The following GPR160 variants were observed in gnomAD, a reference collection of about 807,000 sequenced individuals.
GPR160 encodes probable G protein-coupled receptor 160.
GPR160 carries 2 observed loss-of-function variants against 2.6 expected under a neutral mutation model. The ratio of observed to expected loss-of-function variants is 0.77; its 90% confidence interval spans 0.32 to 2.44. The LOEUF is 2.44. Ranked by LOEUF, GPR160 falls within the 30% of genes most tolerant of loss-of-function variation. GPR160 has a pLI of 0.11. For synonymous variants in GPR160, 130 were observed against 132.2 expected, an observed-to-expected ratio of 0.98 and a Z score of 0.12; for missense variants, 351 against 383.6, an observed-to-expected ratio of 0.91 and a Z score of 0.71.
chr3:170,075,190 T>C lies in GPR160; in HGVS notation c.-192-4584T>C, dbSNP rs558230359. On this transcript the variant is annotated intron_variant, in intron 2 of 3. Coordinates refer to ENST00000355897, the MANE Select transcript of GPR160 (RefSeq NM_014373.3). ...TTACAGTGAGGCGAGTTTGTGCCATTGCACTCCAGCCTGGGCAACAAGAGC... is the reference window on the plus strand; with the variant it reads ...TTACAGTGAGGCGAGTTTGTGCCATCGCACTCCAGCCTGGGCAACAAGAGC... 2.6e-5 allele frequency among the ~76,000 whole-genome samples: 4 copies of C among 152,282 alleles called. No homozygotes were observed. In the South Asian group the frequency reaches 8.3e-4, roughly 32 times the overall value.
Position 170,084,623 on chromosome 3 carries a change from G to A in GPR160, c.651G>A (p.Met217Ile). The change falls in exon 4 of 4, where the codon ATG (methionine) becomes ATA (isoleucine). Residue 217 changes from methionine (M) to isoleucine (I), a missense_variant. By Grantham distance (10) the Met-to-Ile change is conservative (BLOSUM62 1). Coordinates refer to ENST00000355897, the MANE Select transcript of GPR160 (RefSeq NM_014373.3). ...AGGCTATCAGGATAACTTCCTATATGAATGAAACTATCTTATATTTTCCTT... is the reference window on the plus strand; with the variant it reads ...AGGCTATCAGGATAACTTCCTATATAAATGAAACTATCTTATATTTTCCTT... Reference protein sequence around the residue: ...LVQAIRITSYMNETILYFPFS... With the variant: ...LVQAIRITSYINETILYFPFS... The A allele has an allele frequency of 1.2e-6, 2 of 1,611,406 alleles. No individual in the cohort carries two copies. The highest frequency in any genetic ancestry group is 1.1e-5 in the South Asian group (1 of 90,990).
chr3:170,060,054 T>TA lies in GPR160; in HGVS notation c.-192-19712dup, dbSNP rs141994595. Reference sequence around the variant, plus strand: ...CTAGTTTTAAAATACCATATTTTCCTAAAAAAAACAGGGCTCCTTGAAAAA... The same window carrying TA: ...CTAGTTTTAAAATACCATATTTTCCTAAAAAAAAACAGGGCTCCTTGAAAAA... On this transcript the variant is annotated intron_variant, in intron 2 of 3. Transcript: ENST00000355897. 2.9e-3 allele frequency among the ~76,000 whole-genome samples: 437 copies of TA among 151,650 alleles called. 9 individuals carry two copies. The East Asian group carries it at 0.072, about 25-fold the overall frequency.
chr3:170,073,660 T>C (rs1017280142), intron 2 of GPR160, among the ~76,000 whole-genome samples: 1 of 152,198 alleles, frequency 6.6e-6, no homozygotes, highest in African/African-American at 2.4e-5. Context: ...TTGTTAACAA[T>C]TTCTGCTTCC....
At chr3:170,062,018 C>CA (rs202106734) in intron 2 of GPR160, among the ~76,000 whole-genome samples, 1 of 137,874 alleles carries the variant, frequency 7.3e-6, no homozygotes. Context: ...AATTAAATTC[C>CA]AAGTTTTTTT....
At chr3:170,059,354 CTT>C (rs745402962) in intron 2 of GPR160, among the ~76,000 whole-genome samples, 8 of 152,030 alleles carry the variant, frequency 5.3e-5, no homozygotes, top group Non-Finnish European at 1.2e-4. Context: ...ATTCAGATAA[CTT>C]TATAACAGAG....
At chr3:170,083,675 C>G (rs1042929163) in intron 3 of GPR160, among the ~76,000 whole-genome samples, 8 of 152,100 alleles carry the variant, frequency 5.3e-5, no homozygotes, top group African/African-American at 1.4e-4. Flanking sequence ...TTATATATAA[C>G]ATTTTGGTTT....
At chr3:170,078,727 C>T (rs1559992864) in intron 2 of GPR160, among the ~76,000 whole-genome samples, 1 of 152,150 alleles carries the variant, frequency 6.6e-6, no homozygotes, top group Non-Finnish European at 1.5e-5. Flanking sequence ...GACCGCTTTA[C>T]GCAAAGCCAG....
chr3:170,069,026 A>G (rs547941630), intron 2 of GPR160, among the ~76,000 whole-genome samples: 6 of 152,292 alleles, frequency 3.9e-5, no homozygotes, highest in African/African-American at 1.4e-4. Flanking sequence ...TCCAACTGTA[A>G]AAAGGCTGGA....
chr3:170,082,614 G>GAA (rs1478440687), intron 3 of GPR160, among the ~76,000 whole-genome samples: 1 of 151,596 alleles, frequency 6.6e-6, no homozygotes, highest in Non-Finnish European at 1.5e-5. Flanking sequence ...TTCTTTTTTC[G>GAA]AGACAGGGTC....
intron 2 of GPR160, among the ~76,000 whole-genome samples, chr3:170,053,719 T>A (rs1355218907): frequency 6.6e-6 from 1 of 152,172 alleles, no homozygotes; most frequent in Non-Finnish European, 1.5e-5. Context: ...TAATGATAGC[T>A]ATAGATTTTT....
Position 170,084,586 on chromosome 3 carries a change from C to G in GPR160, c.614C>G (p.Thr205Ser), listed in dbSNP as rs1470150214. Reference sequence around the variant, plus strand: ...TTCATAACCTGTTGGGAAGAAGTTACTACTTTGGTACAGGCTATCAGGATA... The same window carrying G: ...TTCATAACCTGTTGGGAAGAAGTTAGTACTTTGGTACAGGCTATCAGGATA... ...VAFITCWEEV[T>S]TLVQAIRITS... Residue 205 changes from threonine (T) to serine (S), a missense_variant, in exon 4 of 4, where the codon ACT becomes AGT. Physicochemically the swap from Thr to Ser is moderately conservative, Grantham distance 58. Transcript: ENST00000355897. 1.2e-6 allele frequency: 2 copies of G among 1,613,200 alleles called. No individual in the cohort carries two copies. Among genetic ancestry groups the G allele is most frequent in the Admixed American group, 3.3e-5 (2 of 59,998 alleles).
At chr3:170,078,351 G>A (rs1712967823) in intron 2 of GPR160, among the ~76,000 whole-genome samples, 2 of 152,128 alleles carry the variant, frequency 1.3e-5, no homozygotes, top group South Asian at 4.2e-4. Context: ...AGGTGCCACA[G>A]AGGAGACAGA....
At chr3:170,056,795 T>C (rs1711666528) in intron 2 of GPR160, among the ~76,000 whole-genome samples, 3 of 152,246 alleles carry the variant, frequency 2.0e-5, no homozygotes, top group South Asian at 4.1e-4. Flanking sequence ...TGATTGGCAC[T>C]GTGCCTATTT....
intron 3 of GPR160, among the ~76,000 whole-genome samples, chr3:170,080,392 C>G (rs1053737748): frequency 6.6e-6 from 1 of 152,176 alleles, no homozygotes; most frequent in Non-Finnish European, 1.5e-5. Flanking sequence ...TTCTTCCTTT[C>G]GCTTTTTATT....
intron 2 of GPR160, among the ~76,000 whole-genome samples, chr3:170,060,996 C>T (rs552138268): frequency 2.2e-4 from 34 of 151,836 alleles, no homozygotes; most frequent in South Asian, 2.1e-3. Context: ...TCAGTATTGC[C>T]GGGCACGGTG....
At chr3:170,066,115 A>ATTCTTTTTCTTT (rs1362456956) in intron 2 of GPR160, among the ~76,000 whole-genome samples, 10 of 99,134 alleles carry the variant, frequency 1.0e-4, no homozygotes, top group African/African-American at 3.3e-4. Context: ...ACTTGACACT[A>ATTCTTTTTCTTT]TTCTTTTTCT....
At chr3:170,065,505 G>A (rs1397154689) in intron 2 of GPR160, among the ~76,000 whole-genome samples, 1 of 152,136 alleles carries the variant, frequency 6.6e-6, no homozygotes, top group African/African-American at 2.4e-5. Context: ...CCCATTTCCT[G>A]GACCGCATGT....
At chr3:170,062,745 C>A in intron 2 of GPR160, 1 of 1,099,478 alleles carries the variant, frequency 9.1e-7, no homozygotes, top group Non-Finnish European at 1.4e-6. Flanking sequence ...GGATTTCTAC[C>A]CTGTCCCAAG....
chr3:170,066,670 G>A (rs1206598773), intron 2 of GPR160, among the ~76,000 whole-genome samples: 2 of 152,140 alleles, frequency 1.3e-5, no homozygotes, highest in African/African-American at 4.8e-5. Flanking sequence ...TTATAATGTA[G>A]TTTCCAGTCT....
Sources: allele counts gnomAD v4.1 joint callset (sites outside exome capture counted in the v4.1 genomes callset), GRCh38; gene constraint gnomAD v4.1.1; transcripts MANE v1.5; gene names NCBI Gene and HGNC (gene_info 2026-07-23, HGNC 2026-07-21).